Variants in NR5A2 observed in about 807,000 individuals in gnomAD.
NR5A2 encodes CYP7A promoter-binding factor.
NR5A2 carries 26 observed loss-of-function variants against 62.7 expected under a neutral mutation model. That is an observed-to-expected ratio of 0.41 (90% CI 0.30 to 0.58). The LOEUF is 0.58. Ranked by LOEUF, NR5A2 falls within the 20% of genes least tolerant of loss-of-function variation. NR5A2 has a pLI of 0.22. For synonymous variants in NR5A2, 246 were observed against 241.7 expected (o/e 1.02, Z -0.16); for missense variants, 541 against 669.1 (o/e 0.81, Z 2.11).
chr1:200,072,210 T>G (rs1663767618), intron 5 of NR5A2, among the ~76,000 whole-genome samples: 1 of 152,186 alleles, frequency 6.6e-6, no homozygotes. Flanking sequence ...AGGGAACTTC[T>G]AGGTGAGACC....
At chr1:200,144,039 C>T (rs1203546421) in intron 7 of NR5A2, among the ~76,000 whole-genome samples, 2 of 152,084 alleles carry the variant, frequency 1.3e-5, no homozygotes, top group Admixed American at 1.3e-4. Flanking sequence ...TTTTCTCTCC[C>T]TTTGTATTTT....
rs1666371890 is a variant in NR5A2, at chr1:200,119,155, A to G, written c.1231-1653A>G. 2.6e-5 allele frequency among the ~76,000 whole-genome samples: 4 copies of G among 152,148 alleles called. No homozygotes were observed. In the South Asian group the frequency reaches 8.3e-4, roughly 32 times the overall value. On this transcript the variant is annotated intron_variant, in intron 6 of 7. Coordinates refer to ENST00000367362, the MANE Select transcript of NR5A2 (RefSeq NM_205860.3). ...TCACTCTTGAAAAAGGTTTCTGTACACCCAGTATTCTCTAGTTAAAGCTGA... is the reference window on the plus strand; with the variant it reads ...TCACTCTTGAAAAAGGTTTCTGTACGCCCAGTATTCTCTAGTTAAAGCTGA...
chr1:200,037,571 C>T (rs1042974423), intron 1 of NR5A2, among the ~76,000 whole-genome samples: 1 of 152,166 alleles, frequency 6.6e-6, no homozygotes, highest in African/African-American at 2.4e-5. Flanking sequence ...GACTCCCTTT[C>T]TTTATTTTCT....
intron 7 of NR5A2, among the ~76,000 whole-genome samples, chr1:200,144,917 C>T (rs1667616554): frequency 6.6e-6 from 1 of 152,198 alleles, no homozygotes; most frequent in African/African-American, 2.4e-5. Context: ...GCCCAGGAAT[C>T]TGCATTTTAA....
Position 200,147,935 on chromosome 1 carries a change from C to A in NR5A2, c.1379-26028C>A. 2.8e-6 allele frequency: 1 copy of A among 356,474 alleles called. No individual in the cohort carries two copies. The highest frequency in any genetic ancestry group is 5.2e-6 in the Non-Finnish European group (1 of 191,082). 22.1% of individuals were successfully genotyped at this position (356,474 alleles called of 1,614,324 possible). On this transcript the variant is annotated intron_variant, in intron 7 of 7. Coordinates refer to ENST00000367362, the MANE Select transcript of NR5A2 (RefSeq NM_205860.3). The surrounding 1 kb of genome is among the most constrained non-coding windows in gnomAD (Gnocchi z 4.9). The stretch of plus-strand genomic sequence containing the variant: ...GCTGTGATGTGGTGCAGCGCTTCGC[C>A]GGTGTTGGTGTTGCCCTGTGGTAGG...
intron 5 of NR5A2, among the ~76,000 whole-genome samples, chr1:200,052,419 C>T (rs1188245171): frequency 6.6e-6 from 1 of 152,158 alleles, no homozygotes; most frequent in Non-Finnish European, 1.5e-5. Flanking sequence ...CTCCTAGGCT[C>T]AAGCAATCCT....
At chr1:200,134,639 T>C (rs1392921819) in intron 7 of NR5A2, among the ~76,000 whole-genome samples, 17 of 152,228 alleles carry the variant, frequency 1.1e-4, no homozygotes, top group Admixed American at 1.1e-3. Flanking sequence ...TGACTGTGTA[T>C]ATAAGAATTG....
chr1:200,135,530 AAAAAG>A (rs1667183283), intron 7 of NR5A2, among the ~76,000 whole-genome samples: 1 of 151,040 alleles, frequency 6.6e-6, no homozygotes. Flanking sequence ...CCAAAAAAAA[AAAAAG>A]AAGAAGAAGA....
chr1:200,167,452 C>T (rs1249066704), intron 7 of NR5A2, among the ~76,000 whole-genome samples: 1 of 152,144 alleles, frequency 6.6e-6, no homozygotes, highest in Non-Finnish European at 1.5e-5. Context: ...TCCTTGGCCG[C>T]CGTATTTCTC....
At chr1:200,080,388 G>A (rs1019945747) in intron 5 of NR5A2, among the ~76,000 whole-genome samples, 1 of 152,034 alleles carries the variant, frequency 6.6e-6, no homozygotes, top group Non-Finnish European at 1.5e-5. Context: ...AATATGCTTT[G>A]ATTTATAGTA....
Position 200,027,755 on chromosome 1 carries a change from C to T in NR5A2, c.-93C>T, listed in dbSNP as rs1661399152. On this transcript the variant is annotated 5_prime_UTR_variant, in exon 1 of 8. Transcript: ENST00000367362. Reference sequence around the variant, plus strand: ...AAGGGTTACTGTAGTCTGATGTGTCCTTCCCAAGGCCACGAAATTTGACAA... The same window carrying T: ...AAGGGTTACTGTAGTCTGATGTGTCTTTCCCAAGGCCACGAAATTTGACAA... The T allele has an allele frequency of 3.6e-6, 3 of 824,782 alleles. No individual in the cohort carries two copies. The Admixed American group carries it at 7.1e-5, about 20-fold the overall frequency. The allele number at this position is 824,782 out of a possible 1,614,324, so 51.1% of individuals were successfully genotyped here. A position where few individuals can be genotyped will look rare whatever the true frequency, so the allele number is the denominator to read the frequency against.
chr1:200,131,017 C>T (rs1311180671), intron 7 of NR5A2, among the ~76,000 whole-genome samples: 3 of 152,226 alleles, frequency 2.0e-5, no homozygotes, highest in African/African-American at 7.2e-5. Context: ...CACATATCTT[C>T]ATACTAATGC....
chr1:200,078,892 C>A (rs891670322), intron 5 of NR5A2, among the ~76,000 whole-genome samples: 2 of 152,136 alleles, frequency 1.3e-5, no homozygotes, highest in Non-Finnish European at 2.9e-5. Flanking sequence ...ACAATAATAG[C>A]TTTTAAGTAC....
chr1:200,171,044 C>T (rs1023328538), intron 7 of NR5A2, among the ~76,000 whole-genome samples: 6 of 152,122 alleles, frequency 3.9e-5, no homozygotes, highest in African/African-American at 9.7e-5. Flanking sequence ...CAGGAGCTTA[C>T]GGTCTGCATA....
intron 5 of NR5A2, among the ~76,000 whole-genome samples, chr1:200,107,230 A>C (rs1478371199): frequency 6.6e-6 from 1 of 152,040 alleles, no homozygotes; most frequent in Non-Finnish European, 1.5e-5. Flanking sequence ...GATGCACAAG[A>C]TACACAGAAA....
chr1:200,132,658 T>G (rs558899220), intron 7 of NR5A2, among the ~76,000 whole-genome samples: 2 of 152,322 alleles, frequency 1.3e-5, no homozygotes, highest in African/African-American at 4.8e-5. Context: ...CAGAGACATA[T>G]TGGCCAGGCA....
chr1:200,029,159 C>T, intron 1 of NR5A2: 1 of 408,322 alleles, frequency 2.4e-6, no homozygotes, highest in South Asian at 1.7e-5. Flanking sequence ...CCGCGCAGCT[C>T]CGGTTCCGCG....
chr1:200,103,260 A>G (rs1665478097), intron 5 of NR5A2, among the ~76,000 whole-genome samples: 1 of 150,912 alleles, frequency 6.6e-6, no homozygotes, highest in South Asian at 2.1e-4. Context: ...AGTAGCTGGG[A>G]TTACAGGCAC....
intron 7 of NR5A2, among the ~76,000 whole-genome samples, chr1:200,158,600 A>G (rs1653490493): frequency 6.6e-6 from 1 of 152,188 alleles, no homozygotes; most frequent in Non-Finnish European, 1.5e-5. Context: ...TAAAACAGGA[A>G]GGCATTCTTT....
Sources: allele counts gnomAD v4.1 joint callset (sites outside exome capture counted in the v4.1 genomes callset), GRCh38; gene constraint gnomAD v4.1.1; non-coding constraint Gnocchi (gnomAD v3.1); transcripts MANE v1.5; gene names NCBI Gene and HGNC (gene_info 2026-07-23, HGNC 2026-07-21).